SLX4: variants seen among roughly 807,000 people sequenced by gnomAD.
The protein encoded by SLX4 is structure-specific endonuclease subunit SLX4.
A neutral mutation model predicts 146.2 loss-of-function variants in SLX4; 112 were observed. That is an observed-to-expected ratio of 0.77 (90% confidence interval 0.66 to 0.90). The LOEUF (loss-of-function observed/expected upper bound fraction) is 0.90. Among genes scored for constraint, SLX4 ranks in the 40% least tolerant of loss-of-function variants. The probability of loss-of-function intolerance (pLI) is 0.00; values close to 1 mark genes in which losing one functional copy is unlikely to be tolerated. For missense variants in SLX4, 2,563 were observed against 2,392.7 expected (o/e 1.07, Z -1.49); for synonymous variants, 1,061 against 997.7 (o/e 1.06, Z -1.20).
At chr16:3,594,193 C>T (rs1037254600) in intron 10 of SLX4, among the ~76,000 whole-genome samples, 8 of 152,134 alleles carry the variant, frequency 5.3e-5, no homozygotes, top group East Asian at 1.9e-4. Context: ...TTCAACAGAA[C>T]GAAAACACTG....
intron 13 of SLX4, among the ~76,000 whole-genome samples, chr16:3,583,868 T>A (rs574471573): frequency 6.6e-6 from 1 of 151,976 alleles, no homozygotes; most frequent in Non-Finnish European, 1.5e-5. Context: ...CCAGGCGTGG[T>A]GGTGTCACCT....
At chr16:3,588,306 C>A (rs1178381796) in intron 12 of SLX4, among the ~76,000 whole-genome samples, 1 of 152,232 alleles carries the variant, frequency 6.6e-6, no homozygotes, top group Non-Finnish European at 1.5e-5. Flanking sequence ...CTAGACATTT[C>A]ATATCCATGA....
chr16:3,594,976 G>C (rs1057110220), intron 9 of SLX4, among the ~76,000 whole-genome samples: 1 of 152,214 alleles, frequency 6.6e-6, no homozygotes, highest in Admixed American at 6.5e-5. Flanking sequence ...CAAGCACCCT[G>C]AGTCCAAGCA....
Position 3,585,518 on chromosome 16 carries a change from G to A in SLX4, c.4637-647C>T, listed in dbSNP as rs532812559. 1.1e-3 allele frequency among the ~76,000 whole-genome samples: 165 copies of A among 148,826 alleles called. 3 individuals are homozygous for A. In the East Asian group the frequency reaches 0.026, roughly 23 times the overall value. On this transcript the variant is annotated intron_variant, in intron 12 of 14. Coordinates refer to ENST00000294008, the MANE Select transcript of SLX4 (RefSeq NM_032444.4). ...GGAGAATGGCGTGAACCTGGGAGGC[G>A]GAGCTTGCAGTGAGCCGAGATCACA... is the stretch of plus-strand genomic sequence containing the variant.
chr16:3,584,127 A>G (rs896879894), intron 13 of SLX4, among the ~76,000 whole-genome samples: 3 of 152,122 alleles, frequency 2.0e-5, no homozygotes, highest in African/African-American at 7.2e-5. Context: ...TTCTTTTAAA[A>G]AAAATCAGGC....
chr16:3,601,333 C>G, intron 4 of SLX4, 142 bp from the exon 5 acceptor site: 1 of 815,708 alleles, frequency 1.2e-6, no homozygotes. Context: ...CTGGCTCCGT[C>G]TCCCGGCAGT....
chr16:3,592,748 T>C lies in SLX4; in HGVS notation c.2278A>G (p.Thr760Ala), dbSNP rs2040607353. 1 of 1,613,322 alleles carries C rather than the reference T, an allele frequency of 6.2e-7. No homozygotes were observed. The highest frequency in any genetic ancestry group is 1.8e-4 in the Middle Eastern group (1 of 5,454). The stretch of plus-strand genomic sequence containing the variant: ...GAGCTAAGGCCAGGAGGAAGGCCAG[T>C]GTCCGCAGTGTAGAGATAGTGCAGG... ...TFLHYLYTADTGLPPGLSSEL... is the reference protein window; with the variant it reads ...TFLHYLYTADAGLPPGLSSEL... Residue 760 changes from threonine to alanine, a missense_variant, in exon 11 of 15, where the codon ACT becomes GCT. Coordinates refer to ENST00000294008, the MANE Select transcript of SLX4 (RefSeq NM_032444.4).
rs1298372782 is a variant in SLX4, at chr16:3,592,868, G to A, written c.2161-3C>T. ...GCGGAGAAGCCTTCATTGTTCACCT[G>A]CAGGTGAAATGCAACACAGAGGGTT... On this transcript the variant is annotated splice_polypyrimidine_tract_variant and splice_region_variant and intron_variant, in intron 10 of 14. Coordinates refer to ENST00000294008, the MANE Select transcript of SLX4 (RefSeq NM_032444.4). The A allele has an allele frequency of 6.2e-7, 1 of 1,608,976 alleles. No homozygotes were observed. Among genetic ancestry groups the A allele is most frequent in the Non-Finnish European group, 8.5e-7 (1 of 1,177,764 alleles).
intron 1 of SLX4, among the ~76,000 whole-genome samples, chr16:3,611,358 TC>T (rs1567179782): frequency 1.3e-5 from 2 of 152,054 alleles, no homozygotes; most frequent in African/African-American, 4.8e-5. Flanking sequence ...CCCTCCTCCC[TC>T]CAGGCGGGCC....
chr16:3,595,876 G>GT (rs1237570613), intron 8 of SLX4, among the ~76,000 whole-genome samples, 183 bp from the exon 9 acceptor site: 8 of 152,220 alleles, frequency 5.3e-5, no homozygotes, highest in Admixed American at 5.2e-4. Context: ...CACCAGGGAG[G>GT]TAAGAGAAGA....
rs1302979534 is a variant in SLX4 at position 3,606,614 on chromosome 16, T to C, written c.620A>G (p.Gln207Arg). ...CTGCTGCATTCGCTGTAGGACCAAT[T>C]GTGCTGTGCGGGGTTTGGAGGGACT... ...VPSPSKPRTA[Q>R]LVLQRMQQFK... is the part of the protein sequence containing the mutation. Residue 207 changes from glutamine (Q) to arginine (R), a missense_variant, in exon 3 of 15, where the codon CAA (glutamine) becomes CGA (arginine). Gln to Arg is a conservative substitution (Grantham distance 43). Transcript: ENST00000294008. 1.2e-6 allele frequency: 2 copies of C among 1,614,062 alleles called. No individual in the cohort carries two copies. The highest frequency in any genetic ancestry group is 1.3e-5 in the African/African-American group (1 of 74,924).
In SLX4 at chr16:3,600,093, G is replaced by A. The variant is rs187542025; in HGVS notation, c.1163+886C>T. On this transcript the variant is annotated intron_variant, in intron 5 of 14. Coordinates refer to ENST00000294008, the MANE Select transcript of SLX4 (RefSeq NM_032444.4). ...AAGACAATTTTTCCATGGGACAGGA[G>A]TAGGGGAATGGTTTCAGCATCAAAG... 3.3e-5 allele frequency among the ~76,000 whole-genome samples: 5 copies of A among 152,350 alleles called. No individual in the cohort carries two copies. The East Asian group carries it at 9.6e-4, about 29-fold the overall frequency.
chr16:3,604,210 C>A (rs2040758851), intron 3 of SLX4, among the ~76,000 whole-genome samples: 1 of 145,360 alleles, frequency 6.9e-6, no homozygotes, highest in South Asian at 2.2e-4. Flanking sequence ...CTAGCCAAGC[C>A]TCTGTCAAAA....
rs766416146 is a variant in SLX4 at position 3,589,233 on chromosome 16, AGCGACAGTCAC to A, written c.4394_4404del (p.Arg1465LeufsTer33). On this transcript the variant is annotated frameshift_variant, in exon 12 of 15. Coordinates refer to ENST00000294008, the MANE Select transcript of SLX4 (RefSeq NM_032444.4). LOFTEE classifies it high-confidence loss of function. The surrounding 1 kb of genome is among the most constrained non-coding windows in gnomAD (Gnocchi z 6.2). ...GGGGTGGTGTCCAGGAGTCCCGGGGAGCGACAGTCACGGCTGTCGGCGGCCTCGTTCATCCT... is the reference window on the plus strand; with the variant it reads ...GGGGTGGTGTCCAGGAGTCCCGGGGAGGCTGTCGGCGGCCTCGTTCATCCT... 3.1e-6 allele frequency: 5 copies of A among 1,609,470 alleles called. No individual in the cohort carries two copies. Among genetic ancestry groups the A allele is most frequent in the Middle Eastern group, 3.3e-4 (2 of 6,032 alleles).
rs765965450 is a variant in SLX4, at chr16:3,594,507, C to G, written c.2106G>C (p.Val702=). 1.2e-6 allele frequency: 2 copies of G among 1,614,090 alleles called. No homozygotes were observed. Among genetic ancestry groups the G allele is most frequent in the Non-Finnish European group, 1.7e-6 (2 of 1,180,010 alleles). ...DVQFQTDSGE[V]LYAHKFVLYA... ...AAAGCACGAACTTGTGGGCGTAAAGCACCTCCCCGCTGTCCGTCTGAAACT... is the reference window on the plus strand; with the variant it reads ...AAAGCACGAACTTGTGGGCGTAAAGGACCTCCCCGCTGTCCGTCTGAAACT... Residue 702 remains valine, a synonymous_variant, in exon 10 of 15, where the codon GTG becomes GTC. Coordinates refer to ENST00000294008, the MANE Select transcript of SLX4 (RefSeq NM_032444.4).
At chr16:3,587,257 G>A (rs2010056) in intron 12 of SLX4, among the ~76,000 whole-genome samples, 152,290 of 152,292 alleles carry the variant, frequency 1, 76,144 homozygotes, top group Non-Finnish European at 1. Context: ...AGCACTTTGG[G>A]AGGCCGAGGT....
rs576565977 is a variant in SLX4 at position 3,602,889 on chromosome 16, C to A, written c.761-582G>T. Among the ~76,000 whole-genome samples the A allele has an allele frequency of 3.3e-5, 5 of 152,300 alleles. No homozygotes were observed. In the South Asian group the frequency reaches 1.0e-3, roughly 32 times the overall value. On this transcript the variant is annotated intron_variant, in intron 3 of 14. Transcript: ENST00000294008. ...TGGACTGATTCTGGTCTTGAGATGGCTCCCAGGGTGGCCCATCTGATATTG... is the reference window on the plus strand; with the variant it reads ...TGGACTGATTCTGGTCTTGAGATGGATCCCAGGGTGGCCCATCTGATATTG...
chr16:3,608,408 G>C (rs1399838085), intron 2 of SLX4, 22 bp downstream of exon 2: 1 of 1,613,882 alleles, frequency 6.2e-7, no homozygotes, highest in Non-Finnish European at 8.5e-7. Flanking sequence ...TCCAGCCCCT[G>C]GTTTAAAAGA....
At position 3,582,264 on chromosome 16, in the gene SLX4, G is replaced by C. The variant is rs1388281544; in HGVS notation, c.*78C>G. ...GCCTGTGGAGGCCTGACCCACGCTG[G>C]GTGTCCCAGGTCCTCCCTGCAAATG... On this transcript the variant is annotated 3_prime_UTR_variant, in exon 15 of 15. Transcript: ENST00000294008. The C allele has an allele frequency of 1.5e-6, 2 of 1,318,040 alleles. No individual in the cohort carries two copies. Among genetic ancestry groups the C allele is most frequent in the Non-Finnish European group, 2.1e-6 (2 of 946,160 alleles). The allele number at this position is 1,318,040 out of a possible 1,614,324, so 81.6% of individuals were successfully genotyped here.
Sources: allele counts gnomAD v4.1 joint callset (sites outside exome capture counted in the v4.1 genomes callset), GRCh38; gene constraint gnomAD v4.1.1; non-coding constraint Gnocchi (gnomAD v3.1); transcripts MANE v1.5; gene names NCBI Gene and HGNC (gene_info 2026-07-23, HGNC 2026-07-21).